Variants in RGS8 observed in about 807,000 individuals in gnomAD.
RGS8 encodes regulator of G-protein signaling 8.
A neutral mutation model predicts 21.7 loss-of-function variants in RGS8; 8 were observed. The observed-to-expected ratio is 0.37, with a 90% CI of 0.22 to 0.66. The LOEUF is 0.66. RGS8 is among the 30% of genes least tolerant of loss of function. RGS8 has a pLI of 0.59. For synonymous variants in RGS8, 80 were observed against 83.6 expected, an observed-to-expected ratio of 0.96 and a Z score of 0.24; for missense variants, 157 against 217.9, an observed-to-expected ratio of 0.72 and a Z score of 1.76.
chr1:182,742,732 AGAGAGG>A, the RGS8 span, among the ~76,000 whole-genome samples: 14 of 124,218 alleles, frequency 1.1e-4, no homozygotes, highest in East Asian at 4.6e-4. Flanking sequence ...GACCGTGGAA[AGAGAGG>A]GAGAGGGAGA....
chr1:182,747,984 G>A, the RGS8 span, among the ~76,000 whole-genome samples: 1 of 151,702 alleles, frequency 6.6e-6, no homozygotes, highest in Non-Finnish European at 1.5e-5. Flanking sequence ...ATTTTTAAAA[G>A]TTTGCTTTTT....
chr1:182,668,708 A>G (rs1231022546), intron 3 of RGS8, among the ~76,000 whole-genome samples: 1 of 152,172 alleles, frequency 6.6e-6, no homozygotes, highest in East Asian at 1.9e-4. Flanking sequence ...TTGTGAAGCC[A>G]TCTATTTCAT....
intron 2 of RGS8, among the ~76,000 whole-genome samples, chr1:182,671,220 T>G (rs677993): frequency 1.3e-5 from 2 of 152,034 alleles, no homozygotes; most frequent in Admixed American, 6.6e-5. Flanking sequence ...CACTACCCAT[T>G]TGATGCTCTC....
intron 1 of RGS8, among the ~76,000 whole-genome samples, chr1:182,680,734 C>T (rs12137173): frequency 0.13 from 19,129 of 152,160 alleles, 2,067 homozygotes; most frequent in African/African-American, 0.3. Context: ...AGGTAAAAAA[C>T]GTATTTTTCA....
chr1:182,678,830 G>GGA (rs887642684), intron 1 of RGS8, among the ~76,000 whole-genome samples: 7 of 152,118 alleles, frequency 4.6e-5, no homozygotes, highest in East Asian at 1.9e-4. Flanking sequence ...AAGGTAGAGT[G>GGA]GAGAGAGAGA....
chr1:182,671,555 C>A, intron 2 of RGS8, 102 bp downstream of exon 3: 1 of 973,198 alleles, frequency 1.0e-6, no homozygotes, highest in Admixed American at 2.0e-5. Flanking sequence ...GGGAAGAAAG[C>A]AATCAATATG....
chr1:182,722,031 T>A, the RGS8 span, among the ~76,000 whole-genome samples: 1 of 152,166 alleles, frequency 6.6e-6, no homozygotes, highest in Non-Finnish European at 1.5e-5. Context: ...AATTGCTGTG[T>A]TTTAGGACAT....
At chr1:182,685,870 C>T (rs139051797), upstream of RGS8, among the ~76,000 whole-genome samples, 25 of 152,244 alleles carry the variant, frequency 1.6e-4, no homozygotes, top group South Asian at 2.5e-3. Flanking sequence ...ACGACTAAGA[C>T]CTCCTTGTCA....
chr1:182,699,962 A>G, the RGS8 span, among the ~76,000 whole-genome samples: 1 of 152,204 alleles, frequency 6.6e-6, no homozygotes, highest in African/African-American at 2.4e-5. Context: ...CCTGCCCTGG[A>G]TAAGATCCGG....
At chr1:182,719,031 C>T in the RGS8 span, among the ~76,000 whole-genome samples, 2 of 152,198 alleles carry the variant, frequency 1.3e-5, no homozygotes, top group Non-Finnish European at 2.9e-5. Context: ...CATGCTTACC[C>T]ACCCAACTAC....
chr1:182,660,861 C>T (rs1048930110), intron 5 of RGS8, among the ~76,000 whole-genome samples: 3 of 151,728 alleles, frequency 2.0e-5, no homozygotes, highest in South Asian at 2.1e-4. Context: ...TGAGAGGACC[C>T]GCAGATTTTT....
At chr1:182,741,256 G>A in the RGS8 span, among the ~76,000 whole-genome samples, 1 of 144,402 alleles carries the variant, frequency 6.9e-6, no homozygotes, top group Admixed American at 6.7e-5. Flanking sequence ...CAGTAGGCGC[G>A]GCCGGGCAGA....
intron 3 of RGS8, among the ~76,000 whole-genome samples, chr1:182,668,003 G>A (rs377065611): frequency 1.3e-5 from 2 of 152,064 alleles, no homozygotes; most frequent in African/African-American, 2.4e-5. Context: ...ACCTTTAATC[G>A]GAGGTTGACA....
chr1:182,747,933 T>C, the RGS8 span, among the ~76,000 whole-genome samples: 1 of 152,218 alleles, frequency 6.6e-6, no homozygotes, highest in African/African-American at 2.4e-5. Context: ...CTTACATCTT[T>C]TCCTGGCTCT....
chr1:182,685,527 A>G (rs1664680792), upstream of RGS8, among the ~76,000 whole-genome samples: 1 of 152,226 alleles, frequency 6.6e-6, no homozygotes. Flanking sequence ...AAGACAGAGA[A>G]GACCAAAGGA....
chr1:182,671,402 C>T (rs1664149707), intron 2 of RGS8, among the ~76,000 whole-genome samples: 1 of 152,138 alleles, frequency 6.6e-6, no homozygotes, highest in Non-Finnish European at 1.5e-5. Flanking sequence ...CATGTGCCCT[C>T]ATAGGTGGGC....
the RGS8 span, among the ~76,000 whole-genome samples, chr1:182,721,650 T>A: frequency 1.3e-5 from 2 of 152,196 alleles, no homozygotes; most frequent in Non-Finnish European, 2.9e-5. Context: ...CACTTTTATG[T>A]ATATTAAGTC....
chr1:182,729,192 T>A, the RGS8 span, among the ~76,000 whole-genome samples: 1 of 152,248 alleles, frequency 6.6e-6, no homozygotes, highest in Non-Finnish European at 1.5e-5. Context: ...AGGATATGTA[T>A]GTCTGAATGG....
the RGS8 span, among the ~76,000 whole-genome samples, chr1:182,697,328 G>A: frequency 2.6e-5 from 4 of 152,180 alleles, no homozygotes; most frequent in African/African-American, 4.8e-5. Flanking sequence ...TCATGTCTCT[G>A]ACTTTTCCAA....
Sources: gnomAD v4.1 joint callset for allele counts (sites outside exome capture counted in the v4.1 genomes callset) on GRCh38, gnomAD v4.1.1 for gene constraint, MANE v1.5 for transcripts, NCBI Gene and HGNC (gene_info 2026-07-23, HGNC 2026-07-21) for gene names.